Variants in NTMT1 observed in about 807,000 individuals in gnomAD.
NTMT1 encodes N-terminal RCC1 methyltransferase.
Under a neutral mutation model 17.5 loss-of-function variants are expected in NTMT1, and 8 were observed. The observed-to-expected ratio is 0.46, with a 90% CI of 0.27 to 0.82. The LOEUF (loss-of-function observed/expected upper bound fraction) is 0.82, where lower values mean the gene tolerates loss of function less well. Among genes scored for constraint, NTMT1 ranks in the 40% least tolerant of loss-of-function variants. NTMT1 has a pLI of 0.15. For synonymous variants in NTMT1, 128 were observed against 126.8 expected (o/e 1.01, Z -0.06); for missense variants, 221 against 303.5 (o/e 0.73, Z 2.02).
intron 1 of NTMT1, among the ~76,000 whole-genome samples, chr9:129,632,361 T>C (rs1370085636): frequency 1.3e-5 from 2 of 152,164 alleles, no homozygotes; most frequent in Non-Finnish European, 2.9e-5. Context: ...GGAGGGTCTC[T>C]TGAGCTCGGG....
At chr9:129,626,975 C>T (rs764382615) in intron 1 of NTMT1, among the ~76,000 whole-genome samples, 1 of 152,142 alleles carries the variant, frequency 6.6e-6, no homozygotes, top group Non-Finnish European at 1.5e-5. Flanking sequence ...ACAGTGTAAC[C>T]GGTGGTTGTG....
intron 1 of NTMT1, among the ~76,000 whole-genome samples, chr9:129,610,327 C>T (rs1830085082): frequency 6.6e-6 from 1 of 150,592 alleles, no homozygotes; most frequent in Admixed American, 6.6e-5. Context: ...GTGGTGCCCC[C>T]GGCGCGAGCA....
rs2118861151 is a variant in NTMT1 at position 129,614,851 on chromosome 9, G to A, written c.-55+5673G>A. Reference sequence around the variant, plus strand: ...CGGGAGGTGGAGCTTGCAGCGAGCCGAGATCGCGCCACTGCACTCCAGCCT... The same window carrying A: ...CGGGAGGTGGAGCTTGCAGCGAGCCAAGATCGCGCCACTGCACTCCAGCCT... On this transcript the variant is annotated intron_variant, in intron 1 of 3. Transcript: ENST00000372486. The surrounding 1 kb of genome is among the most constrained non-coding windows in gnomAD (Gnocchi z 4.4). Among the ~76,000 whole-genome samples, 2 of 152,168 alleles carry A rather than the reference G, an allele frequency of 1.3e-5. No individual in the cohort carries two copies. The highest frequency in any genetic ancestry group is 2.1e-4 in the South Asian group (1 of 4,814).
Position 129,635,210 on chromosome 9 carries a change from C to T in NTMT1, c.418C>T (p.His140Tyr), listed in dbSNP as rs776009812. ...DVIWIQWVIG[H>Y]LTDQHLAEFL... ...AACCTTGCCTCTGCCCTCCCCAGGC[C>T]ACCTCACCGATCAGCACCTGGCCGA... Residue 140 changes from histidine to tyrosine, a missense_variant and splice_region_variant, in exon 4 of 4, where the codon CAC (histidine) becomes TAC (tyrosine). Transcript: ENST00000372483. The T allele has an allele frequency of 6.2e-7, 1 of 1,607,680 alleles. No homozygotes were observed. The highest frequency in any genetic ancestry group is 1.1e-5 in the South Asian group (1 of 91,020).
intron 1 of NTMT1, among the ~76,000 whole-genome samples, chr9:129,611,643 G>T (rs1016577127): frequency 7.3e-5 from 11 of 151,086 alleles, no homozygotes; most frequent in African/African-American, 2.5e-4. Context: ...TTGGGGTGGG[G>T]GTTCTCCACC....
rs548388506 is a variant in NTMT1 at position 129,629,917 on chromosome 9, T to G, written c.-54-2733T>G. Among the ~76,000 whole-genome samples the G allele has an allele frequency of 5.3e-5, 8 of 152,130 alleles. 1 individual carries two copies. In the South Asian group the frequency reaches 1.5e-3, roughly 28 times the overall value. ...GAGTTTGGGGCCAGCCTGGGCCACA[T>G]AGTAAGACCCCATCTCAAAAAAACA... On this transcript the variant is annotated intron_variant, in intron 1 of 3. Coordinates refer to ENST00000372483, the MANE Select transcript of NTMT1 (RefSeq NM_014064.4).
At chr9:129,634,537 A>G (rs1831400956) in intron 3 of NTMT1, 1 of 462,242 alleles carries the variant, frequency 2.2e-6, no homozygotes, top group Non-Finnish European at 3.8e-6. Context: ...ACCTGCTACC[A>G]TCCATTTGGG....
At chr9:129,612,159 G>T in intron 1 of NTMT1, 1 of 583,808 alleles carries the variant, frequency 1.7e-6, no homozygotes, top group South Asian at 1.9e-5. Flanking sequence ...GCCTCATCCT[G>T]GCTGTGTCTC....
In NTMT1 at chr9:129,613,141, C is replaced by T. The variant is rs1279963454; in HGVS notation, c.-55+3963C>T. On this transcript the variant is annotated intron_variant, in intron 1 of 3. Transcript: ENST00000372486. This position sits in a 1 kb window ranked among gnomAD's most constrained non-coding sequence, Gnocchi z 6.2. ...GTTTCTGTGCGGGTCCAAGAAGGCT[C>T]GGAGGCTGCTTCGCGGCCTCTGAGC... is the stretch of plus-strand genomic sequence containing the variant. 6.2e-6 allele frequency: 10 copies of T among 1,613,852 alleles called. No individual in the cohort carries two copies. Among genetic ancestry groups the T allele is most frequent in the Non-Finnish European group, 7.6e-6 (9 of 1,180,008 alleles).
chr9:129,616,176 C>A (rs1386699383), intron 1 of NTMT1, among the ~76,000 whole-genome samples: 1 of 152,160 alleles, frequency 6.6e-6, no homozygotes, highest in Non-Finnish European at 1.5e-5. Context: ...CCAGGGTCTG[C>A]AGGACCCAGA....
At chr9:129,631,032 C>T (rs984350705) in intron 1 of NTMT1, among the ~76,000 whole-genome samples, 1 of 152,204 alleles carries the variant, frequency 6.6e-6, no homozygotes. Context: ...CCGAGCTCAC[C>T]TTCCACAGTC....
At chr9:129,617,427 C>T (rs1395727580) in intron 1 of NTMT1, among the ~76,000 whole-genome samples, 1 of 152,206 alleles carries the variant, frequency 6.6e-6, no homozygotes, top group Non-Finnish European at 1.5e-5. Context: ...CATCTTCACT[C>T]GAGGGCCACT....
rs749373438 is a variant in NTMT1 at position 129,613,578 on chromosome 9, CA to C, written c.-55+4401del. 1 of 1,614,166 alleles carries C rather than the reference CA, an allele frequency of 6.2e-7. No homozygotes were observed. The highest frequency in any genetic ancestry group is 1.1e-5 in the South Asian group (1 of 91,088). ...CCACTGGCAGGGCGGCCTTCTGGTT[CA>C]CAATGACGCTCTGTTGGACTGCAGG... On this transcript the variant is annotated intron_variant, in intron 1 of 3. Transcript: ENST00000372486. The surrounding 1 kb of genome is among the most constrained non-coding windows in gnomAD (Gnocchi z 6.2).
At position 129,613,001 on chromosome 9, in the gene NTMT1, G is replaced by A. The variant is rs1011862808; in HGVS notation, c.-55+3823G>A. ...CACGGTGACTTGGCTCTCAGGGAGG[G>A]TCCACTCCCAGCCCCAGCCACTCCA... On this transcript the variant is annotated intron_variant, in intron 1 of 3. Transcript: ENST00000372486. This position sits in a 1 kb window ranked among gnomAD's most constrained non-coding sequence, Gnocchi z 6.2. 1.9e-5 allele frequency: 27 copies of A among 1,444,190 alleles called. No homozygotes were observed. In the Admixed American group the frequency reaches 3.5e-4, roughly 19 times the overall value. The allele number at this position is 1,444,190 out of a possible 1,614,324, so 89.5% of individuals were successfully genotyped here.
chr9:129,635,099 A>T (rs552654151), intron 3 of NTMT1, 109 bp from the exon 4 acceptor site: 1 of 1,350,710 alleles, frequency 7.4e-7, no homozygotes, highest in Admixed American at 2.0e-5. Flanking sequence ...GTGTGCACAC[A>T]AAATGCTGGG....
intron 3 of NTMT1, chr9:129,634,541 A>G (rs1040148357): frequency 2.2e-6 from 1 of 456,162 alleles, no homozygotes; most frequent in East Asian, 3.5e-5. Context: ...GCTACCATCC[A>G]TTTGGGTGCA....
At chr9:129,632,503 GT>G (rs1831221034) in intron 1 of NTMT1, 146 bp from the exon 2 acceptor site, 1 of 586,744 alleles carries the variant, frequency 1.7e-6, no homozygotes, top group Non-Finnish European at 3.0e-6. Context: ...TATCCAAGGG[GT>G]AGAAGCAGAT....
rs1280766989 is a variant in NTMT1, at chr9:129,620,240, C to A, written c.-55+11062C>A. 3 of 1,338,756 alleles carry A rather than the reference C, an allele frequency of 2.2e-6. No individual in the cohort carries two copies. Among genetic ancestry groups the A allele is most frequent in the Non-Finnish European group, 1.9e-6 (2 of 1,038,836 alleles). The allele number at this position is 1,338,756 out of a possible 1,614,324, so 82.9% of individuals were successfully genotyped here. On this transcript the variant is annotated intron_variant, in intron 1 of 3. Transcript: ENST00000372486. This position sits in a 1 kb window ranked among gnomAD's most constrained non-coding sequence, Gnocchi z 5.8. ...CCCTGGCTGCCTGGGCGCCGATTCC[C>A]GGGACGCGCCGGCCGACAGCAGGGG...
chr9:129,634,832 A>C, intron 3 of NTMT1: 2 of 259,402 alleles, frequency 7.7e-6, no homozygotes, highest in South Asian at 4.9e-5. Context: ...CTTTGTGGGG[A>C]CTTCTAGTGT....
Sources: gnomAD v4.1 joint callset for allele counts (sites outside exome capture counted in the v4.1 genomes callset) on GRCh38, gnomAD v4.1.1 for gene constraint, Gnocchi (gnomAD v3.1) non-coding constraint, MANE v1.5 for transcripts, NCBI Gene and HGNC (gene_info 2026-07-23, HGNC 2026-07-21) for gene names.